Variants in HIF3A observed in about 807,000 individuals in gnomAD.
HIF3A encodes the protein hypoxia inducible factor 3 subunit alpha.
HIF3A carries 41 observed loss-of-function variants against 67.2 expected under a neutral mutation model. The observed-to-expected ratio is 0.61, with a 90% CI of 0.48 to 0.79. The LOEUF is 0.79. HIF3A is among the 30% of genes least tolerant of loss of function. The pLI, the probability that HIF3A is intolerant of heterozygous loss-of-function variation, is 0.00. For missense variants in HIF3A, 855 were observed against 898.0 expected, an observed-to-expected ratio of 0.95 and a Z score of 0.61; for synonymous variants, 356 against 374.8, an observed-to-expected ratio of 0.95 and a Z score of 0.58.
intron 10 of HIF3A, among the ~76,000 whole-genome samples, chr19:46,325,014 T>TGA (rs1555785462): frequency 6.9e-6 from 1 of 144,682 alleles, no homozygotes; most frequent in Non-Finnish European, 1.5e-5. Flanking sequence ...TGTGTGTGTG[T>TGA]GAGACAGAGT....
At chr19:46,335,036 G>A in intron 14 of HIF3A, 50 bp downstream of exon 14, 1 of 1,438,458 alleles carries the variant, frequency 7.0e-7, no homozygotes, top group Non-Finnish European at 9.7e-7. Flanking sequence ...TCTCCCCCGG[G>A]AGGTGCGAGA....
chr19:46,325,443 T>C lies in HIF3A; in HGVS notation c.1336-92T>C, dbSNP rs1487948955. On this transcript the variant is annotated intron_variant, in intron 10 of 14. Coordinates refer to ENST00000377670, the MANE Select transcript of HIF3A (RefSeq NM_152795.4). ...TGTGCCCCAGATGCCTGGCATTTGA[T>C]CCCCACTTCTACCCTTGAGCTGCAG... The C allele has an allele frequency of 5.8e-6, 5 of 855,546 alleles. No homozygotes were observed. In the East Asian group the frequency reaches 9.8e-5, roughly 17 times the overall value. The allele number at this position is 855,546 out of a possible 1,614,324, so 53.0% of individuals were successfully genotyped here.
chr19:46,338,881 G>A lies in HIF3A; in HGVS notation c.1913-644G>A, dbSNP rs150062884. On this transcript the variant is annotated intron_variant, in intron 14 of 14. Transcript: ENST00000377670. ...AGAACGTGCCCAAGACGTCACTGCC[G>A]TTTGAATCCAGACAGGCTTGCCTCA... 3.4e-3 allele frequency among the ~76,000 whole-genome samples: 525 copies of A among 152,238 alleles called. 3 individuals are homozygous for A. Among genetic ancestry groups the A allele is most frequent in the Non-Finnish European group, 5.5e-3 (373 of 68,012 alleles).
intron 4 of HIF3A, 29 bp downstream of exon 4, chr19:46,308,334 C>A (rs778896458): frequency 9.2e-6 from 13 of 1,420,426 alleles, no homozygotes; most frequent in African/African-American, 1.4e-5. Flanking sequence ...TCTGTCCCCA[C>A]CATACAGAGG....
chr19:46,315,185 G>A (rs1969815032), intron 8 of HIF3A, among the ~76,000 whole-genome samples: 1 of 146,640 alleles, frequency 6.8e-6, no homozygotes, highest in South Asian at 2.3e-4. Context: ...TCCTGCCTCA[G>A]CCTCCTGAGT....
At chr19:46,327,096 AG>A (rs1970839626) in intron 11 of HIF3A, among the ~76,000 whole-genome samples, 1 of 152,088 alleles carries the variant, frequency 6.6e-6, no homozygotes, top group East Asian at 1.9e-4. Context: ...CAGAGGTTGC[AG>A]TGAGCCGAGA....
At chr19:46,298,657 C>T (rs1968064731) in intron 1 of HIF3A, 1 of 537,310 alleles carries the variant, frequency 1.9e-6, no homozygotes, top group South Asian at 2.0e-5. Context: ...GGTAGTATTC[C>T]CGGAGAAGAT....
intron 7 of HIF3A, 26 bp downstream of exon 7, chr19:46,312,293 G>A (rs778857461): frequency 1.1e-5 from 17 of 1,613,654 alleles, no homozygotes; most frequent in African/African-American, 2.7e-5. Flanking sequence ...CCCCAGGTGC[G>A]AAGCCAGCTG....
intron 8 of HIF3A, among the ~76,000 whole-genome samples, chr19:46,315,804 C>G (rs960996928): frequency 6.6e-6 from 1 of 152,034 alleles, no homozygotes; most frequent in Non-Finnish European, 1.5e-5. Flanking sequence ...ACCCCAGCTG[C>G]TTGGGAGGCC....
chr19:46,311,591 G>A (rs763082420), intron 6 of HIF3A, among the ~76,000 whole-genome samples: 2 of 152,140 alleles, frequency 1.3e-5, no homozygotes, highest in African/African-American at 2.4e-5. Flanking sequence ...CAGGCCGGGC[G>A]AGGTGGCTAA....
At position 46,309,205 on chromosome 19, in the gene HIF3A, C is replaced by T. The variant is rs765121776; in HGVS notation, c.616C>T (p.Pro206Ser). ...RAYKPPAQTS[P>S]AGSPDSEPPL... ...CTACAAGCCACCTGCGCAGACTTCT[C>T]CAGCTGGGAGCCCTGACTCAGAGCC... The change falls in exon 6 of 15, where the codon CCA becomes TCA. Residue 206 changes from proline (P) to serine (S), a missense_variant. Transcript: ENST00000377670. 2 of 1,614,114 alleles carry T rather than the reference C, an allele frequency of 1.2e-6. No individual in the cohort carries two copies. The highest frequency in any genetic ancestry group is 1.1e-5 in the South Asian group (1 of 91,082).
rs1967976017 is a variant in HIF3A, at chr19:46,297,819, A to C, written c.26+717A>C. ...CCCACTTCCCAAAGTCCAGCCCCTC[A>C]TCTCACCCCTGCACCCCCATCCTGA... On this transcript the variant is annotated intron_variant, in intron 1 of 14. Transcript: ENST00000377670. This position sits in a 1 kb window ranked among gnomAD's most constrained non-coding sequence, Gnocchi z 4.5. Among the ~76,000 whole-genome samples, 1 of 152,012 alleles carries C rather than the reference A, an allele frequency of 6.6e-6. No individual in the cohort carries two copies. The highest frequency in any genetic ancestry group is 1.5e-5 in the Non-Finnish European group (1 of 67,972).
intron 1 of HIF3A, chr19:46,298,437 G>A (rs1355944819): frequency 1.2e-5 from 15 of 1,286,984 alleles, no homozygotes; most frequent in African/African-American, 1.5e-5. Flanking sequence ...CTCGTAACTC[G>A]CACCCGGGTC....
chr19:46,339,376 G>A (rs115674191), intron 14 of HIF3A, 149 bp from the exon 15 acceptor site: 17,262 of 527,836 alleles, frequency 0.033, 388 homozygotes, highest in African/African-American at 0.056. Flanking sequence ...ACCCCTCTGC[G>A]CAAAAGTAAA....
intron 3 of HIF3A, among the ~76,000 whole-genome samples, chr19:46,306,253 G>A (rs1309069314): frequency 6.6e-6 from 1 of 152,150 alleles, no homozygotes; most frequent in African/African-American, 2.4e-5. Flanking sequence ...TTTAAGCAGT[G>A]GAGAGGTTGT....
intron 11 of HIF3A, among the ~76,000 whole-genome samples, chr19:46,326,533 A>G (rs1271301281): frequency 6.6e-6 from 1 of 151,976 alleles, no homozygotes; most frequent in African/African-American, 2.4e-5. Context: ...CTCATGCAAA[A>G]TACACTCACC....
Position 46,297,215 on chromosome 19 carries a change from CG to C in HIF3A, c.26+117del. The C allele has an allele frequency of 1.6e-6, 1 of 629,602 alleles. No individual in the cohort carries two copies. Among genetic ancestry groups the C allele is most frequent in the Non-Finnish European group, 2.4e-6 (1 of 416,874 alleles). 39.0% of individuals were successfully genotyped at this position (629,602 alleles called of 1,614,324 possible). On this transcript the variant is annotated intron_variant, in intron 1 of 14. Coordinates refer to ENST00000377670, the MANE Select transcript of HIF3A (RefSeq NM_152795.4). The surrounding 1 kb of genome is among the most constrained non-coding windows in gnomAD (Gnocchi z 4.5). ...TCGCGGGTGCGAGCCAAGAACGCCC[CG>C]GGGCGCGCAGTTGGAGGCACATCCC... is the stretch of plus-strand genomic sequence containing the variant.
chr19:46,304,186 G>A, intron 2 of HIF3A, 98 bp downstream of exon 2: 1 of 1,100,376 alleles, frequency 9.1e-7, no homozygotes, highest in Non-Finnish European at 1.3e-6. Flanking sequence ...GCCTTATTCT[G>A]ACAAAGCCCC....
intron 10 of HIF3A, among the ~76,000 whole-genome samples, chr19:46,323,790 C>T (rs1031631098): frequency 2.0e-5 from 3 of 152,002 alleles, no homozygotes; most frequent in Non-Finnish European, 4.4e-5. Context: ...CAAGAGAGAA[C>T]GAAAACCAAG....
Sources: allele counts gnomAD v4.1 joint callset (sites outside exome capture counted in the v4.1 genomes callset), GRCh38; gene constraint gnomAD v4.1.1; non-coding constraint Gnocchi (gnomAD v3.1); transcripts MANE v1.5; gene names NCBI Gene and HGNC (gene_info 2026-07-23, HGNC 2026-07-21).